CCDC47: variants seen among roughly 807,000 people sequenced by gnomAD.
The protein encoded by CCDC47 is coiled-coil domain containing 47.
CCDC47 carries 41 observed loss-of-function variants against 60.5 expected under a neutral mutation model. The ratio of observed to expected loss-of-function variants is 0.68; its 90% CI spans 0.53 to 0.88. The LOEUF is 0.88. CCDC47 is among the 40% of genes least tolerant of loss of function. The pLI is 0.00. For synonymous variants in CCDC47, 195 were observed against 190.7 expected (o/e 1.02, Z -0.18); for missense variants, 513 against 580.9 (o/e 0.88, Z 1.20).
chr17:63,765,007 C>T, intron 2 of CCDC47, 160 bp from the exon 3 acceptor site: 1 of 984,206 alleles, frequency 1.0e-6, no homozygotes, highest in Non-Finnish European at 1.2e-6. Flanking sequence ...GTACAAATTT[C>T]AGCTTAAAAT....
At chr17:63,765,638 C>A (rs1340934867) in intron 2 of CCDC47, 2 of 1,124,492 alleles carry the variant, frequency 1.8e-6, no homozygotes, top group East Asian at 5.5e-5. Context: ...CCGTGCCCAG[C>A]CAATTGCAAA....
At chr17:63,757,835 C>T (rs1054145986) in intron 6 of CCDC47, among the ~76,000 whole-genome samples, 1 of 152,188 alleles carries the variant, frequency 6.6e-6, no homozygotes, top group African/African-American at 2.4e-5. Context: ...CTTTTAATCA[C>T]ACCTGAGTTT....
intron 4 of CCDC47, 77 bp downstream of exon 4, chr17:63,763,939 C>T (rs754550225): frequency 1.7e-6 from 2 of 1,189,324 alleles, no homozygotes; most frequent in Non-Finnish European, 2.3e-6. Flanking sequence ...CAGTTAGATG[C>T]TTATACTGAG....
At chr17:63,768,075 T>G (rs2039309968) in intron 1 of CCDC47, among the ~76,000 whole-genome samples, 1 of 152,186 alleles carries the variant, frequency 6.6e-6, no homozygotes, top group South Asian at 2.1e-4. Flanking sequence ...TACCAGCATC[T>G]GTCTAAAACA....
At chr17:63,766,229 A>G in intron 1 of CCDC47, 35 bp from the exon 2 acceptor site, 4 of 1,557,946 alleles carry the variant, frequency 2.6e-6, no homozygotes, top group Non-Finnish European at 3.5e-6. Flanking sequence ...ATGGATTGCC[A>G]TTCTATACAT....
intron 6 of CCDC47, among the ~76,000 whole-genome samples, chr17:63,760,271 T>TA (rs551327554): frequency 2.0e-3 from 306 of 152,172 alleles, no homozygotes; most frequent in African/African-American, 6.8e-3. Context: ...CTGCCAAAGA[T>TA]AAAAACATAT....
At chr17:63,747,506 A>G (rs547364847) in intron 12 of CCDC47, 203 of 979,018 alleles carry the variant, frequency 2.1e-4, no homozygotes, top group Non-Finnish European at 2.4e-4. Context: ...CAAATTTATC[A>G]TATTTTTATT....
At chr17:63,765,682 T>A in intron 2 of CCDC47, 1 of 1,340,972 alleles carries the variant, frequency 7.5e-7, no homozygotes, top group Non-Finnish European at 9.5e-7. Flanking sequence ...CCACAAACAG[T>A]ATCTATTCTC....
At chr17:63,759,527 TTATATATATATATATATATATATATA>T (rs770930100) in intron 6 of CCDC47, among the ~76,000 whole-genome samples, 2 of 3,958 alleles carry the variant, frequency 5.1e-4, no homozygotes, top group Admixed American at 4.9e-3. Flanking sequence ...ATATATATAT[TTATATATATATATATATATATATATA>T]TATATATATA....
At chr17:63,747,970 T>A in intron 12 of CCDC47, 1 of 169,274 alleles carries the variant, frequency 5.9e-6, no homozygotes, top group Non-Finnish European at 1.2e-5. Context: ...TTCTCCTGCC[T>A]TAGCCTCCCG....
intron 4 of CCDC47, among the ~76,000 whole-genome samples, chr17:63,762,851 C>G (rs916104875): frequency 2.6e-5 from 4 of 152,216 alleles, no homozygotes; most frequent in African/African-American, 9.6e-5. Context: ...ACATCGATTA[C>G]ATTATACTAA....
At chr17:63,756,598 A>C in intron 6 of CCDC47, 28 bp from the exon 7 acceptor site, 1 of 1,515,866 alleles carries the variant, frequency 6.6e-7, no homozygotes, top group Non-Finnish European at 9.2e-7. Context: ...AAAACAACAA[A>C]ATTCACCTGT....
chr17:63,755,971 A>C (rs1362259187), intron 8 of CCDC47, among the ~76,000 whole-genome samples: 2 of 152,030 alleles, frequency 1.3e-5, no homozygotes, highest in African/African-American at 4.8e-5. Context: ...AAAGATTAGA[A>C]GCTATATTCC....
intron 1 of CCDC47, chr17:63,766,861 A>T: frequency 2.0e-6 from 2 of 980,476 alleles, no homozygotes; most frequent in Non-Finnish European, 2.4e-6. Context: ...AAGGAATAAG[A>T]TGTAGCTATT....
intron 7 of CCDC47, 46 bp downstream of exon 7, chr17:63,756,423 G>T: frequency 6.3e-7 from 1 of 1,576,018 alleles, no homozygotes; most frequent in Non-Finnish European, 8.7e-7. Flanking sequence ...TGTGTGCTAA[G>T]GAGACACAGT....
chr17:63,757,802 C>T (rs1316862035), intron 6 of CCDC47, among the ~76,000 whole-genome samples: 1 of 152,116 alleles, frequency 6.6e-6, no homozygotes, highest in African/African-American at 2.4e-5. Flanking sequence ...ACAAGAGTAT[C>T]TTTTGTTACT....
chr17:63,760,669 A>C (rs946413612), intron 6 of CCDC47, among the ~76,000 whole-genome samples: 1 of 151,712 alleles, frequency 6.6e-6, no homozygotes, highest in Admixed American at 6.6e-5. Context: ...TGAAACCCTG[A>C]CTCTACTAAA....
intron 12 of CCDC47, among the ~76,000 whole-genome samples, chr17:63,751,041 ATTT>A (rs11322927): frequency 5.6e-5 from 8 of 143,786 alleles, no homozygotes; most frequent in African/African-American, 7.7e-5. Context: ...TGCACAGCTA[ATTT>A]TTTTTTTTTT....
chr17:63,771,041 G>GAAAGA (rs1568253194), intron 1 of CCDC47, among the ~76,000 whole-genome samples: 9 of 31,682 alleles, frequency 2.8e-4, no homozygotes, highest in Non-Finnish European at 4.9e-4. Context: ...AGGAAGGAAG[G>GAAAGA]AAGGAAGAAA....
Sources: allele counts gnomAD v4.1 joint callset (sites outside exome capture counted in the v4.1 genomes callset), GRCh38; gene constraint gnomAD v4.1.1; transcripts MANE v1.5; gene names NCBI Gene and HGNC (gene_info 2026-07-23, HGNC 2026-07-21).